The following SLC24A2 variants were observed in gnomAD, a reference collection of about 807,000 sequenced individuals.
SLC24A2 encodes the protein sodium/potassium/calcium exchanger 2.
A neutral mutation model predicts 62.0 loss-of-function variants in SLC24A2; 36 were observed. That is an observed-to-expected ratio of 0.58 (90% CI 0.44 to 0.77). The LOEUF is 0.77. SLC24A2 is among the 30% of genes least tolerant of loss of function. SLC24A2 has a pLI of 0.00. For missense variants in SLC24A2, 846 were observed against 817.9 expected, an observed-to-expected ratio of 1.03 and a Z score of -0.42; for synonymous variants, 358 against 294.0, an observed-to-expected ratio of 1.22 and a Z score of -2.23.
At chr9:20,048,039 A>T in the SLC24A2 span, among the ~76,000 whole-genome samples, 2 of 152,142 alleles carry the variant, frequency 1.3e-5, no homozygotes, top group South Asian at 4.1e-4. Context: ...TCCTATCTTG[A>T]TTCTTTACAG....
chr9:20,017,066 AG>A, the SLC24A2 span, among the ~76,000 whole-genome samples: 1 of 152,220 alleles, frequency 6.6e-6, no homozygotes, highest in Non-Finnish European at 1.5e-5. Context: ...TCTGTGGCCC[AG>A]GCTGGAGTGC....
At chr9:19,662,521 G>A (rs1055189675) in intron 2 of SLC24A2, among the ~76,000 whole-genome samples, 1 of 152,194 alleles carries the variant, frequency 6.6e-6, no homozygotes, top group Non-Finnish European at 1.5e-5. Flanking sequence ...CATGCCCGGT[G>A]TTAGTTACCC....
At chr9:20,255,112 C>G in the SLC24A2 span, among the ~76,000 whole-genome samples, 1 of 152,182 alleles carries the variant, frequency 6.6e-6, no homozygotes, top group Non-Finnish European at 1.5e-5. Context: ...AGTTGTTATT[C>G]TACCTCTCTG....
chr9:20,230,808 C>A, the SLC24A2 span, among the ~76,000 whole-genome samples: 2 of 152,126 alleles, frequency 1.3e-5, no homozygotes, highest in Non-Finnish European at 2.9e-5. Flanking sequence ...AGTCCTTGCC[C>A]ATGCCTATGT....
chr9:20,122,627 A>G, the SLC24A2 span, among the ~76,000 whole-genome samples: 109 of 152,272 alleles, frequency 7.2e-4, 3 homozygotes, highest in South Asian at 0.011. Flanking sequence ...CAGAGATTGC[A>G]GTGAGTCGAG....
intron 2 of SLC24A2, among the ~76,000 whole-genome samples, chr9:19,690,047 C>T (rs954370888): frequency 6.6e-6 from 1 of 152,104 alleles, no homozygotes; most frequent in Non-Finnish European, 1.5e-5. Context: ...CAGACAGACA[C>T]CAGCTTTTCT....
chr9:19,964,551 G>C, the SLC24A2 span, among the ~76,000 whole-genome samples: 8 of 152,266 alleles, frequency 5.3e-5, no homozygotes, highest in South Asian at 1.7e-3. Context: ...ATACAGAGAG[G>C]AGATGGCACT....
At chr9:20,223,536 T>C in the SLC24A2 span, among the ~76,000 whole-genome samples, 1 of 152,116 alleles carries the variant, frequency 6.6e-6, no homozygotes, top group South Asian at 2.1e-4. Context: ...GAAGAAGATC[T>C]TGAAGAACAA....
intron 2 of SLC24A2, among the ~76,000 whole-genome samples, chr9:19,765,512 C>G (rs750604692): frequency 6.6e-6 from 1 of 152,116 alleles, no homozygotes; most frequent in Admixed American, 6.5e-5. Flanking sequence ...AATCCCTCAG[C>G]GTTTGCTTGT....
At position 19,632,860 on chromosome 9, in the gene SLC24A2, T is replaced by A. The variant is rs1197436666; in HGVS notation, c.931-10561A>T. 6.6e-6 allele frequency among the ~76,000 whole-genome samples: 1 copy of A among 152,210 alleles called. No individual in the cohort carries two copies. Among genetic ancestry groups the A allele is most frequent in the Non-Finnish European group, 1.5e-5 (1 of 68,044 alleles). ...TTTGTGCATAGTGTGTATGTAGTTC[T>A]ATGCAGTTTAATTATATGTGTAGCT... On this transcript the variant is annotated intron_variant, in intron 2 of 10. Coordinates refer to ENST00000341998, the MANE Select transcript of SLC24A2 (RefSeq NM_020344.4). The surrounding 1 kb of genome is among the most constrained non-coding windows in gnomAD (Gnocchi z 4.5).
chr9:19,816,428 A>C, the SLC24A2 span, among the ~76,000 whole-genome samples: 8 of 152,120 alleles, frequency 5.3e-5, no homozygotes, highest in South Asian at 1.0e-3. Context: ...GTGTTTGAGA[A>C]ATGGGACTCC....
At chr9:19,795,628 G>C in the SLC24A2 span, among the ~76,000 whole-genome samples, 1 of 151,914 alleles carries the variant, frequency 6.6e-6, no homozygotes, top group African/African-American at 2.4e-5. Context: ...TCACTTTCCT[G>C]TCTCTTGATT....
intron 4 of SLC24A2, among the ~76,000 whole-genome samples, chr9:19,602,043 A>T (rs1836856101): frequency 6.6e-6 from 1 of 152,246 alleles, no homozygotes; most frequent in African/African-American, 2.4e-5. Context: ...CCTTATCATT[A>T]TAATGCAGAA....
At chr9:19,931,739 C>G in the SLC24A2 span, among the ~76,000 whole-genome samples, 23 of 152,178 alleles carry the variant, frequency 1.5e-4, no homozygotes, top group African/African-American at 5.3e-4. Flanking sequence ...CCAGGCCAAA[C>G]AAGACAGCTG....
intron 2 of SLC24A2, among the ~76,000 whole-genome samples, chr9:19,689,558 T>C (rs897536768): frequency 6.6e-6 from 1 of 152,126 alleles, no homozygotes; most frequent in Non-Finnish European, 1.5e-5. Context: ...TTGCAGGGAA[T>C]AAATGCCACA....
intron 2 of SLC24A2, among the ~76,000 whole-genome samples, chr9:19,711,658 T>C (rs1820718298): frequency 6.6e-6 from 1 of 152,220 alleles, no homozygotes; most frequent in Non-Finnish European, 1.5e-5. Flanking sequence ...GCACATACCA[T>C]ACAATGTACT....
intron 7 of SLC24A2, among the ~76,000 whole-genome samples, chr9:19,563,827 TCCCTCCCTCCC>T (rs1835532725): frequency 1.3e-5 from 1 of 75,072 alleles, no homozygotes. Context: ...CCTTCCTTCC[TCCCTCCCTCCC>T]TCCCTCCCTC....
At chr9:19,560,916 T>TAGAGAGAG (rs139732950) in intron 7 of SLC24A2, among the ~76,000 whole-genome samples, 1 of 119,390 alleles carries the variant, frequency 8.4e-6, no homozygotes, top group Non-Finnish European at 1.7e-5. Context: ...TATATATATA[T>TAGAGAGAG]AGAGAGAGAG....
the SLC24A2 span, among the ~76,000 whole-genome samples, chr9:20,244,759 A>G: frequency 6.6e-6 from 1 of 152,214 alleles, no homozygotes; most frequent in Non-Finnish European, 1.5e-5. Flanking sequence ...GGTATTATAC[A>G]ATAACAGTAC....
Sources: gnomAD v4.1 joint callset for allele counts (sites outside exome capture counted in the v4.1 genomes callset) on GRCh38, gnomAD v4.1.1 for gene constraint, Gnocchi (gnomAD v3.1) non-coding constraint, MANE v1.5 for transcripts, NCBI Gene and HGNC (gene_info 2026-07-23, HGNC 2026-07-21) for gene names.